ZNF821: variants seen among roughly 807,000 people sequenced by gnomAD.
The protein encoded by ZNF821 is zinc finger protein 821.
Under a neutral mutation model 44.3 loss-of-function variants are expected in ZNF821, and 16 were observed. That is an observed-to-expected ratio of 0.36 (90% CI 0.24 to 0.55). The LOEUF (loss-of-function observed/expected upper bound fraction) is 0.55. ZNF821 is among the 20% of genes least tolerant of loss of function. The pLI is 0.86. For synonymous variants in ZNF821, 204 were observed against 197.6 expected, an observed-to-expected ratio of 1.03 and a Z score of -0.27; for missense variants, 436 against 547.6, an observed-to-expected ratio of 0.80 and a Z score of 2.03.
chr16:71,862,143 C>A, intron 6 of ZNF821, among the ~76,000 whole-genome samples: 1 of 152,232 alleles, frequency 6.6e-6, no homozygotes, highest in Non-Finnish European at 1.5e-5. Flanking sequence ...ATTTCATTAG[C>A]TTGAGCTCTG....
intron 2 of ZNF821, chr16:71,881,628 T>C (rs2036431236): frequency 6.6e-6 from 1 of 152,216 alleles, no homozygotes; most frequent in South Asian, 2.1e-4. Context: ...ATTTCCTATA[T>C]GTGTGTGGAA....
intron 2 of ZNF821, chr16:71,882,978 A>G: frequency 2.8e-6 from 1 of 351,282 alleles, no homozygotes; most frequent in South Asian, 2.1e-5. Flanking sequence ...TGGGCTGGGA[A>G]GACAGGTAAA....
At chr16:71,891,780 C>T (rs994575218) in intron 1 of ZNF821, among the ~76,000 whole-genome samples, 6 of 151,960 alleles carry the variant, frequency 3.9e-5, no homozygotes, top group African/African-American at 1.4e-4. Context: ...GAGGCTGAGG[C>T]GGGCGGATCA....
In ZNF821 at chr16:71,860,224, G is replaced by A; in HGVS notation, c.1033C>T (p.Arg345Ter). 6.2e-7 allele frequency: 1 copy of A among 1,614,184 alleles called. No homozygotes were observed. The highest frequency in any genetic ancestry group is 8.5e-7 in the Non-Finnish European group (1 of 1,180,040). ...TPEKRQARLI[R>*]EREAKRLKRR... ...TTGAGCCGCTTGGCCTCTCGCTCTCGGATGAGCCGGGCCTGCCGCTTTTCC... is the reference window on the plus strand; with the variant it reads ...TTGAGCCGCTTGGCCTCTCGCTCTCAGATGAGCCGGGCCTGCCGCTTTTCC... The change falls in exon 8 of 8, where the codon CGA (arginine) becomes TGA (stop). Residue 345 changes from arginine to a stop codon, truncating the protein, a stop_gained. Coordinates refer to ENST00000425432, the MANE Select transcript of ZNF821 (RefSeq NM_001201552.2). LOFTEE classifies it high-confidence loss of function. This position sits in a 1 kb window ranked among gnomAD's most constrained non-coding sequence, Gnocchi z 7.3.
At chr16:71,872,067 G>T (rs1008537556) in intron 3 of ZNF821, among the ~76,000 whole-genome samples, 2 of 151,996 alleles carry the variant, frequency 1.3e-5, no homozygotes, top group East Asian at 3.9e-4. Context: ...CCAACCTCAG[G>T]TGATCCACCC....
intron 2 of ZNF821, among the ~76,000 whole-genome samples, chr16:71,882,538 C>G (rs1017935106): frequency 6.6e-6 from 1 of 152,124 alleles, no homozygotes; most frequent in Non-Finnish European, 1.5e-5. Flanking sequence ...TGAGTGTCTG[C>G]GTATTTAAAT....
intron 3 of ZNF821, among the ~76,000 whole-genome samples, chr16:71,873,459 G>A (rs879831341): frequency 2.6e-5 from 4 of 152,072 alleles, no homozygotes; most frequent in Non-Finnish European, 5.9e-5. Context: ...GCTCTGTAAC[G>A]AGTCTGTTAA....
chr16:71,861,887 G>T lies in ZNF821; in HGVS notation c.473C>A (p.Ala158Asp). ...ACCCAATGACCCCGGGGAGCTAAGG[G>T]CCCGGCCACAGACAGGACACATGTA... The part of the protein sequence containing the change: ...KSYMCPVCGR[A>D]LSSPGSLGRH... Residue 158 changes from alanine to aspartate, a missense_variant, in exon 7 of 8, where the codon GCC becomes GAC. By Grantham distance (126) the Ala-to-Asp change is moderately radical. Transcript: ENST00000425432. The T allele has an allele frequency of 6.2e-7, 1 of 1,614,162 alleles. No individual in the cohort carries two copies. Among genetic ancestry groups the T allele is most frequent in the Non-Finnish European group, 8.5e-7 (1 of 1,180,032 alleles).
intron 1 of ZNF821, among the ~76,000 whole-genome samples, chr16:71,890,231 C>CTT (rs202040134): frequency 6.6e-6 from 1 of 151,108 alleles, no homozygotes; most frequent in Non-Finnish European, 1.5e-5. Flanking sequence ...CTTGTATATT[C>CTT]TTTTTTTTAT....
At position 71,861,940 on chromosome 16, in the gene ZNF821, G is replaced by T. The variant is rs1226418411; in HGVS notation, c.420C>A (p.His140Gln). 3 of 1,614,134 alleles carry T rather than the reference G, an allele frequency of 1.9e-6. No homozygotes were observed. The highest frequency in any genetic ancestry group is 2.5e-6 in the Non-Finnish European group (3 of 1,179,970). The part of the protein sequence containing the change: ...REQLIAHVYQ[H>Q]TAAVVSAKSY... ...TCTTGGCGCTCACCACTGCTGCAGT[G>T]TGCTGTAAAACAGAGCCTTGATCTG... is the stretch of plus-strand genomic sequence containing the variant. The change falls in exon 7 of 8, where the codon CAC (histidine) becomes CAA (glutamine). Residue 140 changes from histidine to glutamine, a missense_variant and splice_region_variant. Coordinates refer to ENST00000425432, the MANE Select transcript of ZNF821 (RefSeq NM_001201552.2).
intron 3 of ZNF821, among the ~76,000 whole-genome samples, chr16:71,878,407 G>A (rs966319491): frequency 1.5e-4 from 22 of 151,714 alleles, no homozygotes; most frequent in Non-Finnish European, 2.6e-4. Flanking sequence ...GCAAGCCACC[G>A]CGCCCGGCCA....
chr16:71,894,568 T>C (rs947200363), intron 1 of ZNF821: 14 of 316,560 alleles, frequency 4.4e-5, no homozygotes, highest in African/African-American at 2.2e-4. Context: ...TTCTGTAGCC[T>C]AGGCTGGAGT....
chr16:71,867,944 A>C lies in ZNF821; in HGVS notation c.134T>G (p.Ile45Ser). The change falls in exon 4 of 8, where the codon ATC becomes AGC. Residue 45 changes from isoleucine (I) to serine (S), a missense_variant. Transcript: ENST00000425432. ...PGDLGSQRQA[I>S]QQLRDQDSSS... ...GGAGTCCTGATCTCTTAGTTGTTGG[A>C]TAGCTTGTCGCTGACTGCCAAGGTC... 6.5e-7 allele frequency: 1 copy of C among 1,536,028 alleles called. No individual in the cohort carries two copies.
intron 5 of ZNF821, among the ~76,000 whole-genome samples, 180 bp from the exon 6 acceptor site, chr16:71,864,422 A>C (rs1041939023): frequency 2.6e-5 from 4 of 152,258 alleles, no homozygotes; most frequent in African/African-American, 9.6e-5. Flanking sequence ...GCTTTCAGCC[A>C]TGAGGACACA....
At chr16:71,873,521 G>A (rs1172983422) in intron 3 of ZNF821, among the ~76,000 whole-genome samples, 2 of 152,156 alleles carry the variant, frequency 1.3e-5, no homozygotes, top group Non-Finnish European at 2.9e-5. Flanking sequence ...TCTGAGGAAA[G>A]GATCATGCCA....
chr16:71,888,726 G>A (rs1305022062), upstream of ZNF821, among the ~76,000 whole-genome samples: 1 of 152,070 alleles, frequency 6.6e-6, no homozygotes, highest in Non-Finnish European at 1.5e-5. Context: ...TTAGAATCTA[G>A]AGTTACAAGT....
rs769738966 is a variant in ZNF821 at position 71,864,226 on chromosome 16, T to A, written c.329A>T (p.Asn110Ile). Residue 110 changes from asparagine (N) to isoleucine (I), a missense_variant, in exon 6 of 8, where the codon AAT becomes ATT. By Grantham distance (149) the Asn-to-Ile change is moderately radical (BLOSUM62 -3). Around this residue, in one of 5 missense-constraint regions of ZNF821, gnomAD observed 238 missense variants for 281.4 expected, o/e 0.85. Coordinates refer to ENST00000425432, the MANE Select transcript of ZNF821 (RefSeq NM_001201552.2). ...VVEHEVTGNL[N>I]SDPLLELCQC... ...GCAGAGTTCAAGCAAGGGGTCAGAA[T>A]TCAAATTCCCTGTGACCTGTGATTC... The A allele has an allele frequency of 1.9e-6, 3 of 1,614,086 alleles. No individual in the cohort carries two copies. Among genetic ancestry groups the A allele is most frequent in the Non-Finnish European group, 2.5e-6 (3 of 1,180,038 alleles).
intron 3 of ZNF821, among the ~76,000 whole-genome samples, chr16:71,879,168 A>G (rs1325206799): frequency 6.6e-6 from 1 of 152,142 alleles, no homozygotes; most frequent in Non-Finnish European, 1.5e-5. Flanking sequence ...TCAGCCTTCC[A>G]CGTGTAGAGT....
chr16:71,874,883 T>C (rs1386703780), intron 3 of ZNF821, among the ~76,000 whole-genome samples: 1 of 152,238 alleles, frequency 6.6e-6, no homozygotes, highest in Non-Finnish European at 1.5e-5. Context: ...TTGCCACTAT[T>C]GCCATACGCA....
Sources: allele counts gnomAD v4.1 joint callset (sites outside exome capture counted in the v4.1 genomes callset), GRCh38; gene constraint gnomAD v4.1.1; regional missense constraint gnomAD v4.1.1; non-coding constraint Gnocchi (gnomAD v3.1); transcripts MANE v1.5; gene names NCBI Gene and HGNC (gene_info 2026-07-23, HGNC 2026-07-21).